The following SPAG16 variants were observed in gnomAD, a reference collection of about 807,000 sequenced individuals.
The protein encoded by SPAG16 is sperm associated antigen 16.
In SPAG16, 86 loss-of-function variants were observed where a neutral mutation model predicts 80.4. That is an observed-to-expected ratio of 1.07 (90% CI 0.90 to 1.28). SPAG16 has a LOEUF of 1.28. Ranked by LOEUF, SPAG16 falls within the 50% of genes most tolerant of loss-of-function variation. SPAG16 has a pLI of 0.00. For synonymous variants in SPAG16, 294 were observed against 265.9 expected, an observed-to-expected ratio of 1.11 and a Z score of -1.03; for missense variants, 870 against 765.3, an observed-to-expected ratio of 1.14 and a Z score of -1.61.
At chr2:214,366,826 A>G (rs1282667587) in intron 15 of SPAG16, among the ~76,000 whole-genome samples, 1 of 152,084 alleles carries the variant, frequency 6.6e-6, no homozygotes, top group African/African-American at 2.4e-5. Flanking sequence ...TACATGTAGT[A>G]CCTAAACAGC....
chr2:213,413,108 A>G (rs987693940), intron 9 of SPAG16, among the ~76,000 whole-genome samples: 8 of 152,144 alleles, frequency 5.3e-5, no homozygotes, highest in Non-Finnish European at 1.2e-4. Flanking sequence ...AAATGATACT[A>G]TAAATGAGAC....
At chr2:213,789,559 T>C (rs1039190953) in intron 10 of SPAG16, among the ~76,000 whole-genome samples, 2 of 152,124 alleles carry the variant, frequency 1.3e-5, no homozygotes, top group Non-Finnish European at 2.9e-5. Flanking sequence ...TGTTATCTTT[T>C]ATTTGAAAAG....
At chr2:213,703,765 T>C (rs2065611658) in intron 10 of SPAG16, among the ~76,000 whole-genome samples, 9 of 152,218 alleles carry the variant, frequency 5.9e-5, no homozygotes, top group Admixed American at 5.9e-4. Context: ...CACCTAGCCA[T>C]TTCTTTTCAA....
chr2:214,152,428 C>T (rs1341576051), intron 15 of SPAG16, among the ~76,000 whole-genome samples: 3 of 152,104 alleles, frequency 2.0e-5, no homozygotes, highest in South Asian at 2.1e-4. Flanking sequence ...CCTATTTCTC[C>T]TCATGGAAAT....
intron 15 of SPAG16, among the ~76,000 whole-genome samples, chr2:214,192,050 A>T (rs920927996): frequency 3.3e-5 from 5 of 152,132 alleles, no homozygotes; most frequent in Non-Finnish European, 5.9e-5. Context: ...TATTGCTCTA[A>T]GAGAAGCTAA....
intron 9 of SPAG16, among the ~76,000 whole-genome samples, chr2:213,462,480 CTG>C (rs3073677): frequency 0.06 from 9,073 of 152,136 alleles, 893 homozygotes; most frequent in African/African-American, 0.21. Context: ...TATGACTAGA[CTG>C]TGTCCCTACC....
Position 213,910,676 on chromosome 2 carries a change from G to C in SPAG16, c.1215-19284G>C, listed in dbSNP as rs2077624624. ...GCTAATTTTTTGTAGTTTTAGTAGAGACAGGGTTTCACCGTGTTAGCCAGA... is the reference window on the plus strand; with the variant it reads ...GCTAATTTTTTGTAGTTTTAGTAGACACAGGGTTTCACCGTGTTAGCCAGA... On this transcript the variant is annotated intron_variant, in intron 11 of 15. Coordinates refer to ENST00000331683, the MANE Select transcript of SPAG16 (RefSeq NM_024532.5). Among the ~76,000 whole-genome samples the C allele has an allele frequency of 3.4e-5, 2 of 58,438 alleles. 1 individual carries two copies. Among genetic ancestry groups the C allele is most frequent in the African/African-American group, 8.0e-5 (2 of 25,122 alleles). The allele number at this position is 58,438 out of a possible 152,430, so 38.3% of individuals were successfully genotyped here. A position where few individuals can be genotyped will look rare whatever the true frequency, so the allele number is the denominator to read the frequency against.
intron 6 of SPAG16, among the ~76,000 whole-genome samples, chr2:213,347,772 C>A (rs1288879895): frequency 6.6e-6 from 1 of 152,136 alleles, no homozygotes; most frequent in Non-Finnish European, 1.5e-5. Flanking sequence ...AATTTCTGTT[C>A]TTTTACATTT....
Position 214,176,347 on chromosome 2 carries a change from G to A in SPAG16, c.1720+27081G>A, listed in dbSNP as rs548626246. Among the ~76,000 whole-genome samples, 6 of 150,926 alleles carry A rather than the reference G, an allele frequency of 4.0e-5. No individual in the cohort carries two copies. In the South Asian group the frequency reaches 1.3e-3, roughly 31 times the overall value. On this transcript the variant is annotated intron_variant, in intron 15 of 15. Coordinates refer to ENST00000331683, the MANE Select transcript of SPAG16 (RefSeq NM_024532.5). ...TAGTCATCCATAAAAATAAATGCCA[G>A]GTTTGAAAACTACAGGATATACCTG... is the stretch of plus-strand genomic sequence containing the variant.
intron 10 of SPAG16, among the ~76,000 whole-genome samples, chr2:213,573,753 A>C (rs1486024298): frequency 6.6e-6 from 1 of 152,188 alleles, no homozygotes; most frequent in African/African-American, 2.4e-5. Context: ...TTCTGTGAAT[A>C]TTTGTTTTGC....
chr2:213,844,730 A>G (rs1476669043), intron 10 of SPAG16, among the ~76,000 whole-genome samples: 1 of 152,228 alleles, frequency 6.6e-6, no homozygotes, highest in Admixed American at 6.5e-5. Flanking sequence ...TCATAGTTAT[A>G]GCCAGTTTTT....
Position 213,412,496 on chromosome 2 carries a change from G to A in SPAG16, c.942+37377G>A, listed in dbSNP as rs146671290. On this transcript the variant is annotated intron_variant, in intron 9 of 15. Transcript: ENST00000331683. ...GCATTGTTACTCTAAAGAGCACCTC[G>A]TTTAACTTTTATGAATCAAAGTTTT... Among the ~76,000 whole-genome samples, 886 of 152,166 alleles carry A rather than the reference G, an allele frequency of 5.8e-3. 7 individuals are homozygous for A. Among genetic ancestry groups the A allele is most frequent in the Non-Finnish European group, 7.5e-3 (510 of 68,016 alleles).
intron 10 of SPAG16, among the ~76,000 whole-genome samples, chr2:213,844,703 A>T (rs557341563): frequency 9.2e-5 from 14 of 152,324 alleles, no homozygotes; most frequent in Admixed American, 5.9e-4. Flanking sequence ...AAATTTTTTT[A>T]AATTAGTTTT....
At chr2:213,838,334 G>C (rs1051516730) in intron 10 of SPAG16, among the ~76,000 whole-genome samples, 1 of 152,044 alleles carries the variant, frequency 6.6e-6, no homozygotes, top group African/African-American at 2.4e-5. Flanking sequence ...ACCACTCCCA[G>C]CTATTTTTTT....
chr2:213,913,626 CATGTACAT>C (rs1196723122), intron 11 of SPAG16, among the ~76,000 whole-genome samples: 4 of 10,094 alleles, frequency 4.0e-4, no homozygotes, highest in African/African-American at 6.1e-4. Flanking sequence ...TGTATATGTA[CATGTACAT>C]ATATGTATAT....
intron 10 of SPAG16, among the ~76,000 whole-genome samples, chr2:213,532,413 C>A (rs2076098724): frequency 6.6e-6 from 1 of 151,380 alleles, no homozygotes. Context: ...ATTATGAAGA[C>A]AAATTCTGTT....
At chr2:214,333,399 C>T (rs930766685) in intron 15 of SPAG16, among the ~76,000 whole-genome samples, 16 of 152,196 alleles carry the variant, frequency 1.1e-4, no homozygotes, top group Admixed American at 5.2e-4. Context: ...TCTTTCCACT[C>T]GTTAACTTAA....
chr2:214,244,395 A>G (rs1289082103), intron 15 of SPAG16, among the ~76,000 whole-genome samples: 1 of 94,038 alleles, frequency 1.1e-5, no homozygotes, highest in Admixed American at 1.1e-4. Context: ...TGAAGTTCCG[A>G]AAAAAAAAAA....
chr2:213,714,301 A>G (rs529665137), intron 10 of SPAG16, among the ~76,000 whole-genome samples: 1 of 152,330 alleles, frequency 6.6e-6, no homozygotes, highest in Admixed American at 6.5e-5. Flanking sequence ...TCTCATAAGC[A>G]TCCCATAAGG....
Sources: gnomAD v4.1 joint callset for allele counts (sites outside exome capture counted in the v4.1 genomes callset) on GRCh38, gnomAD v4.1.1 for gene constraint, MANE v1.5 for transcripts, NCBI Gene and HGNC (gene_info 2026-07-23, HGNC 2026-07-21) for gene names.